The following AVL9 variants were observed in gnomAD, a reference collection of about 807,000 sequenced individuals.
The protein encoded by AVL9 is late secretory pathway protein AVL9 homolog.
In AVL9, 49 loss-of-function variants were observed where a neutral mutation model predicts 79.2. The ratio of observed to expected loss-of-function variants is 0.62; its 90% CI spans 0.49 to 0.79. The LOEUF is 0.79. Ranked by LOEUF, AVL9 falls within the 30% of genes least tolerant of loss-of-function variation. AVL9 has a pLI of 0.00. For missense variants in AVL9, 682 were observed against 776.8 expected (o/e 0.88, Z 1.45); for synonymous variants, 299 against 280.6 (o/e 1.07, Z -0.65).
intron 11 of AVL9, among the ~76,000 whole-genome samples, chr7:32,571,483 G>GT (rs1026215276): frequency 5.9e-4 from 90 of 151,954 alleles, no homozygotes; most frequent in African/African-American, 1.9e-3. Context: ...AGCCGAGATC[G>GT]TGCCACTGCA....
At chr7:32,570,247 A>C in intron 11 of AVL9, 93 bp downstream of exon 11, 1 of 1,478,220 alleles carries the variant, frequency 6.8e-7, no homozygotes, top group South Asian at 1.2e-5. Flanking sequence ...CAACATTAGT[A>C]ATGATAATAA....
rs70992722 is a variant in AVL9, at chr7:32,503,560, G to GAA, written c.93+7773_93+7774dup. Among the ~76,000 whole-genome samples, 205 of 123,840 alleles carry GAA rather than the reference G, an allele frequency of 1.7e-3. 3 individuals are homozygous for GAA. The highest frequency in any genetic ancestry group is 4.0e-3 in the Middle Eastern group (1 of 250). The allele number at this position is 123,840 out of a possible 152,430, so 81.2% of individuals were successfully genotyped here. On this transcript the variant is annotated intron_variant, in intron 1 of 15. Transcript: ENST00000318709. ...GACAGAGCAAGACTCCGTCTCAAGG[G>GAA]AAAAAAAAAAAAAAAACTAGATTTG...
At chr7:32,512,080 A>G (rs1787699664) in intron 1 of AVL9, among the ~76,000 whole-genome samples, 1 of 152,164 alleles carries the variant, frequency 6.6e-6, no homozygotes, top group Non-Finnish European at 1.5e-5. Context: ...CTTTTATTCT[A>G]GTGAGGAGGC....
Position 32,543,158 on chromosome 7 carries a change from G to C in AVL9, c.111G>C (p.Pro37=), listed in dbSNP as rs374544842. ...TATTTTAGGTTGAATTCTCTTACCC[G>C]CCCCTGATTCCAGGAGATGGACATG... The part of the protein sequence containing the change: ...KKGCQVEFSY[P]PLIPGDGHDS... Residue 37 remains proline, a synonymous_variant, in exon 2 of 16, where the codon CCG becomes CCC. Coordinates refer to ENST00000318709, the MANE Select transcript of AVL9 (RefSeq NM_015060.3). 2 of 1,613,964 alleles carry C rather than the reference G, an allele frequency of 1.2e-6. No homozygotes were observed. The highest frequency in any genetic ancestry group is 4.5e-5 in the East Asian group (2 of 44,866).
intron 1 of AVL9, 66 bp from the exon 2 acceptor site, chr7:32,543,075 T>C: frequency 1.9e-6 from 3 of 1,591,618 alleles, no homozygotes; most frequent in Non-Finnish European, 2.6e-6. Context: ...AAAGCATTTT[T>C]ACCTATCAGA....
chr7:32,510,590 T>C (rs1273054894), intron 1 of AVL9, among the ~76,000 whole-genome samples: 2 of 139,832 alleles, frequency 1.4e-5, no homozygotes, highest in East Asian at 4.4e-4. Context: ...CCGTCAGGTC[T>C]GGTTGTAGGA....
chr7:32,497,776 C>G (rs1351704477), intron 1 of AVL9, among the ~76,000 whole-genome samples: 1 of 152,006 alleles, frequency 6.6e-6, no homozygotes, highest in Non-Finnish European at 1.5e-5. Context: ...CTCAGCCTCC[C>G]GAGTAGCTGG....
Position 32,552,220 on chromosome 7 carries a change from AT to A in AVL9, c.463-5del. The stretch of plus-strand genomic sequence containing the variant: ...GTAAAATGTGCTAAATTCAATCTAT[AT>A]TTTATAGGAGCTTTATGAACATATG... On this transcript the variant is annotated splice_region_variant and splice_polypyrimidine_tract_variant and intron_variant, in intron 5 of 15. Transcript: ENST00000318709. 1 of 1,539,722 alleles carries A rather than the reference AT, an allele frequency of 6.5e-7. No homozygotes were observed. Among genetic ancestry groups the A allele is most frequent in the Non-Finnish European group, 9.0e-7 (1 of 1,115,790 alleles).
chr7:32,503,407 A>ACACACACACACACACACACACAC (rs1477431265), intron 1 of AVL9, among the ~76,000 whole-genome samples: 45 of 60,312 alleles, frequency 7.5e-4, no homozygotes, highest in South Asian at 2.2e-3. Context: ...CACACACACA[A>ACACACACACACACACACACACAC]ATTAGCCGGG....
At chr7:32,519,427 CA>C (rs60258831) in intron 1 of AVL9, among the ~76,000 whole-genome samples, 2,788 of 124,742 alleles carry the variant, frequency 0.022, 75 homozygotes, top group African/African-American at 0.07. Context: ...GACTCTGTCC[CA>C]AAAAAAAAAA....
rs1791468211 is a variant in AVL9 at position 32,580,862 on chromosome 7, G to T, written c.1803G>T (p.Arg601=). ...GAAACGTCATGGTCACAACTAGCCG[G>T]AATGTTGTACAAACAGGAAAAGCTG... The part of the protein sequence containing the change: ...KIGNVMVTTS[R]NVVQTGKAVG... The change falls in exon 15 of 16, where the codon CGG becomes CGT. Residue 601 remains arginine, a synonymous_variant. Coordinates refer to ENST00000318709, the MANE Select transcript of AVL9 (RefSeq NM_015060.3). 1 of 1,613,836 alleles carries T rather than the reference G, an allele frequency of 6.2e-7. No homozygotes were observed. Among genetic ancestry groups the T allele is most frequent in the Non-Finnish European group, 8.5e-7 (1 of 1,179,898 alleles).
chr7:32,515,447 C>T (rs1787866296), intron 1 of AVL9, among the ~76,000 whole-genome samples: 1 of 152,172 alleles, frequency 6.6e-6, no homozygotes, highest in Admixed American at 6.5e-5. Flanking sequence ...GGTTGAGATC[C>T]AAAGTGTATT....
chr7:32,572,661 G>T (rs912959100), intron 11 of AVL9, among the ~76,000 whole-genome samples: 3 of 145,518 alleles, frequency 2.1e-5, no homozygotes, highest in Non-Finnish European at 2.9e-5. Flanking sequence ...AATTAGCCGG[G>T]CGTGGTGGTG....
At chr7:32,566,829 A>T (rs941268696) in intron 10 of AVL9, among the ~76,000 whole-genome samples, 7 of 152,108 alleles carry the variant, frequency 4.6e-5, no homozygotes, top group African/African-American at 1.7e-4. Context: ...CTTGCAGTGA[A>T]CCGAGATCGC....
intron 1 of AVL9, among the ~76,000 whole-genome samples, chr7:32,508,475 T>C (rs1416677969): frequency 6.6e-6 from 1 of 152,240 alleles, no homozygotes; most frequent in Non-Finnish European, 1.5e-5. Context: ...AAAGTTTCAA[T>C]ATAAAAATTG....
intron 2 of AVL9, among the ~76,000 whole-genome samples, chr7:32,543,931 TG>T (rs1789342697): frequency 6.7e-6 from 1 of 149,718 alleles, no homozygotes; most frequent in Non-Finnish European, 1.5e-5. Flanking sequence ...TTTTTGGAGA[TG>T]GAATCTCACT....
rs1417059884 is a variant in AVL9, at chr7:32,495,523, A to T, written c.-187A>T. ...GACAGCCCGGAAGCTGCGGAAGCGGATGAGGGAAGGGCGGCCGTGGCCCTG... is the reference window on the plus strand; with the variant it reads ...GACAGCCCGGAAGCTGCGGAAGCGGTTGAGGGAAGGGCGGCCGTGGCCCTG... On this transcript the variant is annotated 5_prime_UTR_variant, in exon 1 of 16. An upstream start codon of the reference 5' UTR is lost. Transcript: ENST00000318709. 2.5e-6 allele frequency: 1 copy of T among 394,752 alleles called. No homozygotes were observed. The highest frequency in any genetic ancestry group is 4.5e-6 in the Non-Finnish European group (1 of 223,078). The allele number at this position is 394,752 out of a possible 1,614,324, so 24.5% of individuals were successfully genotyped here. A position where few individuals can be genotyped will look rare whatever the true frequency, so the allele number is the denominator to read the frequency against.
intron 4 of AVL9, 104 bp from the exon 5 acceptor site, chr7:32,551,230 C>T (rs1215857177): frequency 4.0e-6 from 3 of 741,356 alleles, no homozygotes; most frequent in Non-Finnish European, 6.8e-6. Flanking sequence ...CTTTTTTCTC[C>T]AAATTAAAAA....
intron 1 of AVL9, among the ~76,000 whole-genome samples, chr7:32,511,851 C>T (rs1319273205): frequency 1.3e-5 from 2 of 152,006 alleles, no homozygotes; most frequent in Non-Finnish European, 2.9e-5. Flanking sequence ...AGGGTTGAGG[C>T]CGAGAAATTG....
Sources: allele counts gnomAD v4.1 joint callset (sites outside exome capture counted in the v4.1 genomes callset), GRCh38; gene constraint gnomAD v4.1.1; transcripts MANE v1.5; gene names NCBI Gene and HGNC (gene_info 2026-07-23, HGNC 2026-07-21).